EIF2S3B: variants seen among roughly 807,000 people sequenced by gnomAD.
The protein encoded by EIF2S3B is eukaryotic translation initiation factor 2 subunit gamma B.
EIF2S3B carries 16 observed loss-of-function variants against 26.4 expected under a neutral mutation model. The ratio of observed to expected loss-of-function variants is 0.61; its 90% CI spans 0.41 to 0.92. The LOEUF is 0.92. Among genes scored for constraint, EIF2S3B ranks in the 40% least tolerant of loss-of-function variants. EIF2S3B has a pLI of 0.00. For synonymous variants in EIF2S3B, 183 were observed against 204.4 expected, an observed-to-expected ratio of 0.90 and a Z score of 0.89; for missense variants, 510 against 575.5, an observed-to-expected ratio of 0.89 and a Z score of 1.16.
At chr12:10,518,971 C>A (rs1864797611) in intron 1 of EIF2S3B, among the ~76,000 whole-genome samples, 1 of 151,898 alleles carries the variant, frequency 6.6e-6, no homozygotes, top group South Asian at 2.1e-4. Context: ...CCCCATCAAG[C>A]TACCAATGAC....
Position 10,505,996 on chromosome 12 carries a change from T to G in EIF2S3B, c.94T>G (p.Ser32Ala), listed in dbSNP as rs1343855115. 6.2e-7 allele frequency: 1 copy of G among 1,605,938 alleles called. No homozygotes were observed. Among genetic ancestry groups the G allele is most frequent in the Non-Finnish European group, 8.5e-7 (1 of 1,172,510 alleles). Residue 32 changes from serine to alanine, a missense_variant, in exon 1 of 1, where the codon TCA (serine) becomes GCA (alanine). Ser to Ala is a moderately conservative substitution (Grantham distance 99). Coordinates refer to ENST00000538173, the MANE Select transcript of EIF2S3B (RefSeq NM_001357734.3). ...GGATGTTACCAAGTTGACGCCACTT[T>G]CACACGAAGTTATCAGCAGACAAGC... ...TLDVTKLTPL[S>A]HEVISRQATI... is the part of the protein sequence containing the mutation.
intron 1 of EIF2S3B, among the ~76,000 whole-genome samples, chr12:10,520,488 T>A (rs893317764): frequency 6.7e-6 from 1 of 149,332 alleles, no homozygotes; most frequent in Non-Finnish European, 1.5e-5. Flanking sequence ...TGTGCACATG[T>A]ACCCTAAAAC....
rs563409069 is a variant in EIF2S3B, at chr12:10,516,701, G to A, written c.1309-5902G>A. ...CCTGTCTTGTGCCAGTTTTCAAAGG[G>A]AATGCTTCCAGTTTTTGCCCATTTA... On this transcript the variant is annotated intron_variant, in intron 1 of 1. Transcript: ENST00000322446. Among the ~76,000 whole-genome samples the A allele has an allele frequency of 9.2e-5, 14 of 151,874 alleles. No individual in the cohort carries two copies. In the South Asian group the frequency reaches 1.0e-3, roughly 11 times the overall value.
chr12:10,512,240 G>A (rs73062511), downstream of EIF2S3B, among the ~76,000 whole-genome samples: 21,784 of 151,902 alleles, frequency 0.14, 1,605 homozygotes, highest in Middle Eastern at 0.17. Flanking sequence ...ATCTTGCACC[G>A]TAGTCTTTAT....
exon 1 of EIF2S3B, among the ~76,000 whole-genome samples, chr12:10,508,524 G>GCAAAAA (rs1864671083): frequency 1.4e-4 from 1 of 7,000 alleles, no homozygotes; most frequent in African/African-American, 5.8e-4. Flanking sequence ...ATGTTAGAAA[G>GCAAAAA]CAAAAAAAAA....
chr12:10,522,308 A>C (rs56230736), intron 1 of EIF2S3B, among the ~76,000 whole-genome samples: 27,476 of 152,158 alleles, frequency 0.18, 2,742 homozygotes, highest in African/African-American at 0.27. Flanking sequence ...GCACTCCAGC[A>C]TTAGTGACAG....
rs183510629 is a variant in EIF2S3B at position 10,515,901 on chromosome 12, T to A, written c.1309-6702T>A. Reference sequence around the variant, plus strand: ...ATATACATACTACATACATACTAATTTATACTAGTATATATATATTAGCTT... The same window carrying A: ...ATATACATACTACATACATACTAATATATACTAGTATATATATATTAGCTT... On this transcript the variant is annotated intron_variant, in intron 1 of 1. Transcript: ENST00000322446. Among the ~76,000 whole-genome samples the A allele has an allele frequency of 4.3e-3, 650 of 150,642 alleles. 2 individuals carry two copies. Among genetic ancestry groups the A allele is most frequent in the Middle Eastern group, 0.011 (3 of 282 alleles).
At chr12:10,520,824 A>G (rs1565529887) in intron 1 of EIF2S3B, among the ~76,000 whole-genome samples, 1 of 152,174 alleles carries the variant, frequency 6.6e-6, no homozygotes, top group East Asian at 1.9e-4. Flanking sequence ...AGGAATGGAG[A>G]GACCTCAATA....
At position 10,521,385 on chromosome 12, in the gene EIF2S3B, TG is replaced by T. The variant is rs577682996; in HGVS notation, c.1309-1217del. 1.5e-3 allele frequency among the ~76,000 whole-genome samples: 233 copies of T among 152,226 alleles called. 1 individual carries two copies. The highest frequency in any genetic ancestry group is 5.1e-3 in the African/African-American group (210 of 41,550). Reference sequence around the variant, plus strand: ...TATTTCTAACTACTCTGCAGAGTGATGTTTTTTTTTCAATTTATAGATGAGG... The same window carrying T: ...TATTTCTAACTACTCTGCAGAGTGATTTTTTTTTTCAATTTATAGATGAGG... On this transcript the variant is annotated intron_variant, in intron 1 of 1. Coordinates refer to the EIF2S3B transcript ENST00000322446.
chr12:10,511,673 C>T (rs2137946832), downstream of EIF2S3B, among the ~76,000 whole-genome samples: 1 of 152,240 alleles, frequency 6.6e-6, no homozygotes, highest in East Asian at 1.9e-4. Context: ...ACTCCATCTT[C>T]AAACAATTAT....
downstream of EIF2S3B, among the ~76,000 whole-genome samples, chr12:10,511,266 A>T (rs527284775): frequency 6.6e-6 from 1 of 151,888 alleles, no homozygotes; most frequent in Non-Finnish European, 1.5e-5. Flanking sequence ...ACTTTATATT[A>T]TAAAGTTAAT....
chr12:10,513,288 A>C (rs1864722751), downstream of EIF2S3B, among the ~76,000 whole-genome samples: 1 of 152,234 alleles, frequency 6.6e-6, no homozygotes, highest in Non-Finnish European at 1.5e-5. Context: ...AAGGAGGTGA[A>C]GTAGATAATT....
chr12:10,516,053 G>T (rs73070541), intron 1 of EIF2S3B, among the ~76,000 whole-genome samples: 2 of 150,896 alleles, frequency 1.3e-5, no homozygotes, highest in Non-Finnish European at 3.0e-5. Context: ...AATTTCACTG[G>T]TAAGTAAAGT....
intron 1 of EIF2S3B, among the ~76,000 whole-genome samples, chr12:10,513,645 G>A (rs1326363046): frequency 6.6e-6 from 1 of 152,206 alleles, no homozygotes; most frequent in Admixed American, 6.5e-5. Context: ...CCTGAGCCAT[G>A]TTCAGCTTTA....
Position 10,507,179 on chromosome 12 carries a change from A to G in EIF2S3B, c.1277A>G (p.Lys426Arg), listed in dbSNP as rs936750783. The change falls in exon 1 of 1, where the codon AAA becomes AGA. Residue 426 changes from lysine to arginine, a missense_variant. Coordinates refer to ENST00000538173, the MANE Select transcript of EIF2S3B (RefSeq NM_001357734.3). The stretch of plus-strand genomic sequence containing the variant: ...AGTGCTGTCAAGGCCGATTTGGGCA[A>G]AATTGTTTTGACCAATCCAGTGTGC... The part of the protein sequence containing the change: ...RVSAVKADLG[K>R]IVLTNPVCTE... The G allele has an allele frequency of 1.2e-6, 2 of 1,613,824 alleles. No homozygotes were observed. Among genetic ancestry groups the G allele is most frequent in the Admixed American group, 3.3e-5 (2 of 60,002 alleles).
intron 1 of EIF2S3B, among the ~76,000 whole-genome samples, chr12:10,519,721 A>G (rs922191167): frequency 2.0e-5 from 3 of 152,186 alleles, no homozygotes; most frequent in Non-Finnish European, 4.4e-5. Context: ...ACACTTCTCA[A>G]AAGAAGACAT....
chr12:10,508,824 C>T (rs950972011), downstream of EIF2S3B, among the ~76,000 whole-genome samples: 54 of 151,988 alleles, frequency 3.6e-4, no homozygotes, highest in African/African-American at 1.2e-3. Context: ...TCTTCATATA[C>T]AGGATTTAAG....
chr12:10,512,729 A>G (rs12301590), downstream of EIF2S3B, among the ~76,000 whole-genome samples: 5,872 of 152,156 alleles, frequency 0.039, 375 homozygotes, highest in African/African-American at 0.13. Flanking sequence ...CTAAAGAATC[A>G]TCATCTCTAG....
intron 1 of EIF2S3B, among the ~76,000 whole-genome samples, chr12:10,517,942 G>T (rs534553302): frequency 1.2e-4 from 18 of 152,000 alleles, no homozygotes; most frequent in Non-Finnish European, 2.4e-4. Context: ...TCTTAATCCT[G>T]AGTTCTAGTT....
Sources: allele counts gnomAD v4.1 joint callset (sites outside exome capture counted in the v4.1 genomes callset), GRCh38; gene constraint gnomAD v4.1.1; transcripts MANE v1.5; gene names NCBI Gene and HGNC (gene_info 2026-07-23, HGNC 2026-07-21).